Variants in ITPR2 observed in about 807,000 individuals in gnomAD.
ITPR2 encodes inositol 1,4,5-trisphosphate-gated calcium channel ITPR2.
A neutral mutation model predicts 317.1 loss-of-function variants in ITPR2; 207 were observed. That is an observed-to-expected ratio of 0.65 (90% CI 0.58 to 0.73). ITPR2 has a LOEUF of 0.73. ITPR2 is among the 30% of genes least tolerant of loss of function. The probability of loss-of-function intolerance (pLI) is 0.00; values close to 1 mark genes in which losing one functional copy is unlikely to be tolerated. For synonymous variants in ITPR2, 1,156 were observed against 1,149.1 expected (o/e 1.01, Z -0.12); for missense variants, 2,613 against 3,284.0 (o/e 0.80, Z 4.99).
At chr12:26,713,359 A>G (rs1948683541) in intron 8 of ITPR2, among the ~76,000 whole-genome samples, 1 of 152,254 alleles carries the variant, frequency 6.6e-6, no homozygotes, top group African/African-American at 2.4e-5. Context: ...CACACAATAG[A>G]GAAAAGTCCC....
intron 11 of ITPR2, among the ~76,000 whole-genome samples, chr12:26,684,385 G>A (rs766915645): frequency 6.6e-6 from 1 of 152,164 alleles, no homozygotes; most frequent in African/African-American, 2.4e-5. Flanking sequence ...GCATGGTGAG[G>A]TGTCAACAAT....
chr12:26,647,579 T>G (rs1166735893), intron 21 of ITPR2, among the ~76,000 whole-genome samples: 3 of 152,224 alleles, frequency 2.0e-5, no homozygotes, highest in African/African-American at 7.2e-5. Flanking sequence ...GCTTTTAACT[T>G]CTATAAGTGA....
intron 45 of ITPR2, among the ~76,000 whole-genome samples, chr12:26,459,752 C>T (rs982561810): frequency 5.3e-5 from 8 of 152,194 alleles, no homozygotes; most frequent in African/African-American, 1.9e-4. Flanking sequence ...ATCTCATCTA[C>T]ATCTGCAATT....
chr12:26,631,819 TAAGCA>T (rs774767144), intron 22 of ITPR2, 42 bp downstream of exon 22: 4 of 1,534,042 alleles, frequency 2.6e-6, no homozygotes, highest in Non-Finnish European at 3.6e-6. Context: ...GTTAAATCAA[TAAGCA>T]AAATTACATC....
At chr12:26,790,355 C>T (rs1375429444) in intron 1 of ITPR2, 128 bp from the exon 2 acceptor site, 1 of 676,836 alleles carries the variant, frequency 1.5e-6, no homozygotes, top group African/African-American at 1.8e-5. Flanking sequence ...AACTTTTTAA[C>T]AATCATGGGT....
intron 19 of ITPR2, 37 bp from the exon 20 acceptor site, chr12:26,655,889 G>C: frequency 6.4e-7 from 1 of 1,564,012 alleles, no homozygotes; most frequent in Middle Eastern, 1.8e-4. Flanking sequence ...AAGTTAAACT[G>C]ATTGCAATCA....
intron 4 of ITPR2, 79 bp from the exon 5 acceptor site, chr12:26,722,634 A>G (rs1052499314): frequency 2.5e-5 from 24 of 977,658 alleles, no homozygotes; most frequent in Admixed American, 6.9e-5. Flanking sequence ...TTATACATGT[A>G]TCATATATTC....
intron 5 of ITPR2, among the ~76,000 whole-genome samples, chr12:26,721,501 A>G (rs770820499): frequency 3.3e-5 from 5 of 152,154 alleles, no homozygotes; most frequent in Non-Finnish European, 5.9e-5. Flanking sequence ...ATTGCTTCGA[A>G]TTCATGTTAA....
chr12:26,368,595 C>A (rs1375988471), intron 55 of ITPR2, among the ~76,000 whole-genome samples: 1 of 152,148 alleles, frequency 6.6e-6, no homozygotes, highest in African/African-American at 2.4e-5. Context: ...CTGAGACAGA[C>A]TAATACCTGT....
At chr12:26,813,024 C>T (rs1223222578) in intron 1 of ITPR2, among the ~76,000 whole-genome samples, 3 of 152,122 alleles carry the variant, frequency 2.0e-5, no homozygotes, top group African/African-American at 7.2e-5. Context: ...GTTGAAGATA[C>T]TGACTTTTAA....
intron 45 of ITPR2, among the ~76,000 whole-genome samples, chr12:26,459,969 T>G (rs762913573): frequency 3.9e-5 from 6 of 152,222 alleles, no homozygotes; most frequent in Non-Finnish European, 8.8e-5. Flanking sequence ...TCTTTTGAAA[T>G]GCACCATCAT....
At position 26,607,825 on chromosome 12, in the gene ITPR2, A is replaced by T. The variant is rs1429305332; in HGVS notation, c.3463-5119T>A. Among the ~76,000 whole-genome samples the T allele has an allele frequency of 5.3e-5, 8 of 152,220 alleles. No homozygotes were observed. The East Asian group carries it at 1.3e-3, about 26-fold the overall frequency. ...GCCGGGCGCAGTGGCTCACACCCGT[A>T]ATCCCAGCACTTTGGGAGGCCGAGG... is the stretch of plus-strand genomic sequence containing the variant. On this transcript the variant is annotated intron_variant, in intron 26 of 56. Coordinates refer to ENST00000381340, the MANE Select transcript of ITPR2 (RefSeq NM_002223.4).
At chr12:26,624,842 T>C (rs532263474) in intron 23 of ITPR2, among the ~76,000 whole-genome samples, 49 of 152,132 alleles carry the variant, frequency 3.2e-4, no homozygotes, top group African/African-American at 9.9e-4. Flanking sequence ...TGGGTGTATA[T>C]GAAAAAGAAA....
intron 45 of ITPR2, among the ~76,000 whole-genome samples, chr12:26,457,169 C>G (rs373632986): frequency 2.6e-5 from 4 of 152,040 alleles, no homozygotes; most frequent in Non-Finnish European, 5.9e-5. Context: ...AAGCGGAGGA[C>G]GGAAGCAATG....
At chr12:26,357,575 G>C (rs1938680263) in intron 55 of ITPR2, among the ~76,000 whole-genome samples, 1 of 152,250 alleles carries the variant, frequency 6.6e-6, no homozygotes, top group Admixed American at 6.5e-5. Context: ...TGACCAAAGA[G>C]GGTTGCGGGA....
intron 32 of ITPR2, among the ~76,000 whole-genome samples, chr12:26,592,362 G>A (rs1336897800): frequency 6.6e-6 from 1 of 152,170 alleles, no homozygotes; most frequent in Non-Finnish European, 1.5e-5. Context: ...AGTGACTACA[G>A]TCAACAATAA....
At chr12:26,468,103 C>A (rs1341875863) in intron 45 of ITPR2, among the ~76,000 whole-genome samples, 1 of 152,016 alleles carries the variant, frequency 6.6e-6, no homozygotes, top group Non-Finnish European at 1.5e-5. Context: ...TTGGACATAA[C>A]AAATGTAAGA....
chr12:26,346,399 G>T (rs1358297905), intron 55 of ITPR2, among the ~76,000 whole-genome samples: 2 of 152,214 alleles, frequency 1.3e-5, no homozygotes, highest in Non-Finnish European at 2.9e-5. Context: ...GAGGTGGGCA[G>T]ATCACCTGAG....
chr12:26,419,792 T>C (rs1940833266), intron 49 of ITPR2: 1 of 152,148 alleles, frequency 6.6e-6, no homozygotes, highest in African/African-American at 2.4e-5. Context: ...TCCAGAGATC[T>C]GTTCTTGATT....
Sources: allele counts gnomAD v4.1 joint callset (sites outside exome capture counted in the v4.1 genomes callset), GRCh38; gene constraint gnomAD v4.1.1; transcripts MANE v1.5; gene names NCBI Gene and HGNC (gene_info 2026-07-23, HGNC 2026-07-21).